RARB: variants seen among roughly 807,000 people sequenced by gnomAD.
RARB encodes the protein HBV-activated protein.
Under a neutral mutation model 51.9 loss-of-function variants are expected in RARB, and 17 were observed. The observed-to-expected ratio is 0.33, with a 90% CI of 0.22 to 0.49. The LOEUF is 0.49. Ranked by LOEUF, RARB falls within the 20% of genes least tolerant of loss-of-function variation. RARB has a pLI of 0.99. For missense variants in RARB, 369 were observed against 550.8 expected (o/e 0.67, Z 3.30); for synonymous variants, 215 against 195.4 (o/e 1.10, Z -0.84).
chr3:25,421,634 G>T (rs1310055513), intron 5 of RARB, among the ~76,000 whole-genome samples: 1 of 151,772 alleles, frequency 6.6e-6, no homozygotes. Context: ...TCAATCTCCT[G>T]ACCTGGTGAT....
chr3:24,916,810 T>C (rs1416996689), intron 2 of RARB, among the ~76,000 whole-genome samples: 1 of 151,612 alleles, frequency 6.6e-6, no homozygotes, highest in African/African-American at 2.4e-5. Flanking sequence ...GGTACATGTT[T>C]TAACACCCCA....
At chr3:25,524,234 A>C (rs1309653469) in intron 3 of RARB, among the ~76,000 whole-genome samples, 1 of 152,236 alleles carries the variant, frequency 6.6e-6, no homozygotes, top group Admixed American at 6.5e-5. Flanking sequence ...GACAGTTCTA[A>C]TGGACTCCAG....
chr3:24,849,523 T>C (rs10865798), intron 1 of RARB, among the ~76,000 whole-genome samples: 105,617 of 152,196 alleles, frequency 0.69, 37,159 homozygotes, highest in East Asian at 0.97. Flanking sequence ...ATCAATTAAG[T>C]GATATGTAAC....
intron 2 of RARB, among the ~76,000 whole-genome samples, chr3:24,961,426 A>T (rs1696136511): frequency 6.6e-6 from 1 of 152,238 alleles, no homozygotes; most frequent in Admixed American, 6.5e-5. Flanking sequence ...ATATGAACTG[A>T]TGCTGAAATT....
chr3:25,367,225 A>G (rs1302386049), intron 5 of RARB, among the ~76,000 whole-genome samples: 1 of 152,206 alleles, frequency 6.6e-6, no homozygotes, highest in Non-Finnish European at 1.5e-5. Flanking sequence ...GGTACAGAGC[A>G]TCATTTTGGC....
intron 3 of RARB, among the ~76,000 whole-genome samples, chr3:25,527,034 C>A (rs192911345): frequency 6.6e-6 from 1 of 152,142 alleles, no homozygotes; most frequent in African/African-American, 2.4e-5. Context: ...TCAGTGTCAG[C>A]AGTGGGAAAG....
At chr3:25,174,523 T>G (rs914530999) in exon 5 of RARB, 1 of 1,352,144 alleles carries the variant, frequency 7.4e-7, no homozygotes, top group Admixed American at 1.9e-5. Flanking sequence ...CTCCCCTCCA[T>G]GGCCTTCATG....
intron 2 of RARB, among the ~76,000 whole-genome samples, chr3:24,917,068 C>G (rs570710912): frequency 1.3e-5 from 2 of 152,228 alleles, no homozygotes; most frequent in African/African-American, 2.4e-5. Context: ...CATGGGTGTT[C>G]ACTGTAAAAC....
At chr3:25,012,390 G>A (rs771392505) in intron 2 of RARB, among the ~76,000 whole-genome samples, 1 of 152,080 alleles carries the variant, frequency 6.6e-6, no homozygotes, top group East Asian at 1.9e-4. Context: ...GATTCAGAAG[G>A]TCTTGATTGG....
At chr3:25,063,479 G>C (rs1222823857) in intron 3 of RARB, among the ~76,000 whole-genome samples, 1 of 151,922 alleles carries the variant, frequency 6.6e-6, no homozygotes, top group Non-Finnish European at 1.5e-5. Flanking sequence ...AGCCAATTTA[G>C]TATTTATGGC....
chr3:25,568,032 G>A (rs907449776), intron 3 of RARB, among the ~76,000 whole-genome samples: 9 of 152,048 alleles, frequency 5.9e-5, no homozygotes, highest in African/African-American at 1.7e-4. Context: ...CTCACCCAGC[G>A]TCCTGCGCCG....
intron 5 of RARB, among the ~76,000 whole-genome samples, chr3:25,214,135 C>A (rs1701764217): frequency 6.6e-6 from 1 of 152,042 alleles, no homozygotes. Context: ...TTGTGTGCTC[C>A]CAGAAAAGCA....
At chr3:25,053,411 A>G (rs574884003) in intron 2 of RARB, among the ~76,000 whole-genome samples, 3 of 152,170 alleles carry the variant, frequency 2.0e-5, no homozygotes, top group Non-Finnish European at 4.4e-5. Context: ...TTAATCCAAA[A>G]GCAGTTTCCT....
Position 25,596,499 on chromosome 3 carries a change from T to G in RARB, c.1230T>G (p.Ser410=). Reference sequence around the variant, plus strand: ...TCATTCAAGAAATGCTGGAGAATTCTGAAGGACATGAACCCTTGACCCCAA... The same window carrying G: ...TCATTCAAGAAATGCTGGAGAATTCGGAAGGACATGAACCCTTGACCCCAA... ...PPLIQEMLEN[S]EGHEPLTPSS... is the part of the protein sequence containing the mutation. Residue 410 remains serine (S), a synonymous_variant, in exon 8 of 8, where the codon TCT becomes TCG. Coordinates refer to ENST00000330688, the MANE Select transcript of RARB (RefSeq NM_000965.5). 2.5e-6 allele frequency: 4 copies of G among 1,613,454 alleles called. No individual in the cohort carries two copies. Among genetic ancestry groups the G allele is most frequent in the Non-Finnish European group, 3.4e-6 (4 of 1,179,406 alleles).
chr3:24,988,084 A>C (rs1696833158), intron 2 of RARB, among the ~76,000 whole-genome samples: 1 of 152,172 alleles, frequency 6.6e-6, no homozygotes, highest in South Asian at 2.1e-4. Flanking sequence ...TGCTAGATGT[A>C]ATTGTCTCAT....
chr3:25,273,871 C>T (rs1259057024), intron 5 of RARB, among the ~76,000 whole-genome samples: 2 of 152,176 alleles, frequency 1.3e-5, no homozygotes, highest in East Asian at 1.9e-4. Context: ...TTTTCAGGCA[C>T]CTCCAGGTTA....
intron 3 of RARB, among the ~76,000 whole-genome samples, chr3:25,543,057 T>G (rs1032077220): frequency 2.0e-5 from 3 of 152,192 alleles, no homozygotes; most frequent in Non-Finnish European, 4.4e-5. Context: ...TAATGTCTGT[T>G]GACATTTATA....
At chr3:24,972,183 T>G (rs1419890281) in intron 2 of RARB, among the ~76,000 whole-genome samples, 1 of 151,896 alleles carries the variant, frequency 6.6e-6, no homozygotes, top group East Asian at 1.9e-4. Context: ...ACCACCAACC[T>G]ACTCTCTTTT....
intron 3 of RARB, among the ~76,000 whole-genome samples, chr3:25,114,595 T>G (rs539659740): frequency 6.6e-6 from 1 of 152,212 alleles, no homozygotes; most frequent in Non-Finnish European, 1.5e-5. Flanking sequence ...GCATACAGTT[T>G]ACAGTTGCAA....
Sources: allele counts gnomAD v4.1 joint callset (sites outside exome capture counted in the v4.1 genomes callset), GRCh38; gene constraint gnomAD v4.1.1; transcripts MANE v1.5; gene names NCBI Gene and HGNC (gene_info 2026-07-23, HGNC 2026-07-21).